Variants in FHIT observed in about 807,000 individuals in gnomAD.
The protein encoded by FHIT is bis(5'-adenosyl)-triphosphatase.
A neutral mutation model predicts 17.9 loss-of-function variants in FHIT; 19 were observed. The observed-to-expected ratio is 1.06, with a 90% CI of 0.74 to 1.56. FHIT has a LOEUF of 1.56. FHIT is among the 40% of genes most tolerant of loss of function. FHIT has a pLI of 0.00. For synonymous variants in FHIT, 81 were observed against 69.7 expected, an observed-to-expected ratio of 1.16 and a Z score of -0.81; for missense variants, 248 against 189.2, an observed-to-expected ratio of 1.31 and a Z score of -1.82.
chr3:59,864,331 A>G (rs1354118260), intron 8 of FHIT, among the ~76,000 whole-genome samples: 1 of 152,098 alleles, frequency 6.6e-6, no homozygotes, highest in African/African-American at 2.4e-5. Flanking sequence ...TGGGTTTATC[A>G]GGGGCTTCTG....
chr3:60,759,271 G>A (rs1457273330), intron 4 of FHIT, among the ~76,000 whole-genome samples: 1 of 152,160 alleles, frequency 6.6e-6, no homozygotes, highest in Non-Finnish European at 1.5e-5. Flanking sequence ...AGGTGGCAAG[G>A]ATAGAAATAG....
chr3:61,115,595 T>C (rs2036277950), intron 2 of FHIT, among the ~76,000 whole-genome samples: 1 of 152,160 alleles, frequency 6.6e-6, no homozygotes, highest in Non-Finnish European at 1.5e-5. Context: ...AGGGAAGTCC[T>C]GAGGGTGTGG....
At chr3:60,678,570 A>T (rs1250468814) in intron 4 of FHIT, among the ~76,000 whole-genome samples, 1 of 152,190 alleles carries the variant, frequency 6.6e-6, no homozygotes, top group Non-Finnish European at 1.5e-5. Flanking sequence ...CCAAAATGTC[A>T]TCAAAATCTA....
intron 2 of FHIT, among the ~76,000 whole-genome samples, chr3:61,113,760 T>C (rs765358044): frequency 4.6e-5 from 7 of 152,134 alleles, no homozygotes; most frequent in Non-Finnish European, 8.8e-5. Flanking sequence ...ACACATGATA[T>C]ACAGCGGATG....
At chr3:60,718,599 T>G (rs2107957907) in intron 4 of FHIT, among the ~76,000 whole-genome samples, 1 of 152,294 alleles carries the variant, frequency 6.6e-6, no homozygotes. Context: ...TGCCAGTCAC[T>G]CATGAAAAGA....
At chr3:60,289,984 T>G (rs1019068225) in intron 5 of FHIT, among the ~76,000 whole-genome samples, 1 of 152,196 alleles carries the variant, frequency 6.6e-6, no homozygotes, top group Admixed American at 6.5e-5. Flanking sequence ...ATAGTTCATG[T>G]GTAATCATGT....
chr3:60,534,395 T>C (rs2035902177), intron 5 of FHIT, among the ~76,000 whole-genome samples: 1 of 120,880 alleles, frequency 8.3e-6, no homozygotes, highest in Non-Finnish European at 1.6e-5. Flanking sequence ...ATTGCGCCAC[T>C]GCAGTCCGCA....
At chr3:60,989,259 C>T (rs1171911337) in intron 3 of FHIT, among the ~76,000 whole-genome samples, 2 of 152,050 alleles carry the variant, frequency 1.3e-5, no homozygotes, top group Non-Finnish European at 2.9e-5. Context: ...AAGTGATTCT[C>T]CTGTCGCAGC....
intron 4 of FHIT, among the ~76,000 whole-genome samples, chr3:60,777,421 G>C (rs1700245242): frequency 6.6e-6 from 1 of 152,140 alleles, no homozygotes; most frequent in Non-Finnish European, 1.5e-5. Flanking sequence ...TGAAGACCTG[G>C]GATCAATAGA....
chr3:60,106,472 A>T (rs958917924), intron 5 of FHIT, among the ~76,000 whole-genome samples: 7 of 152,194 alleles, frequency 4.6e-5, no homozygotes, highest in African/African-American at 1.7e-4. Context: ...TAAGATGGAA[A>T]AGGCATTAAA....
At chr3:60,890,075 T>C (rs559268267) in intron 3 of FHIT, among the ~76,000 whole-genome samples, 3 of 152,270 alleles carry the variant, frequency 2.0e-5, no homozygotes, top group Admixed American at 6.5e-5. Flanking sequence ...TTTAATAATG[T>C]ACTCTCCTAT....
intron 8 of FHIT, among the ~76,000 whole-genome samples, chr3:59,867,886 T>C (rs546733525): frequency 6.6e-6 from 1 of 152,042 alleles, no homozygotes; most frequent in South Asian, 2.1e-4. Context: ...TCTAATAACC[T>C]TGTTATAGTT....
chr3:60,615,276 C>T (rs2038918112), intron 4 of FHIT, among the ~76,000 whole-genome samples: 2 of 152,092 alleles, frequency 1.3e-5, no homozygotes, highest in East Asian at 3.9e-4. Context: ...ATATCAGACA[C>T]CAATAATTTG....
At chr3:60,860,455 TATGTAC>T (rs1444510050) in intron 3 of FHIT, among the ~76,000 whole-genome samples, 24 of 122,162 alleles carry the variant, frequency 2.0e-4, no homozygotes, top group African/African-American at 2.5e-4. Flanking sequence ...ATATGATACA[TATGTAC>T]ATATATATGT....
intron 1 of FHIT, among the ~76,000 whole-genome samples, chr3:61,227,440 C>G (rs574240317): frequency 2.6e-5 from 4 of 152,202 alleles, no homozygotes; most frequent in South Asian, 4.2e-4. Flanking sequence ...CTTGACTGTA[C>G]TGGTTAAAAT....
chr3:60,559,769 C>A (rs1300380850), intron 4 of FHIT, among the ~76,000 whole-genome samples: 1 of 152,126 alleles, frequency 6.6e-6, no homozygotes, highest in African/African-American at 2.4e-5. Context: ...CTTACGGGCA[C>A]TTACACCATT....
intron 5 of FHIT, among the ~76,000 whole-genome samples, chr3:60,194,242 T>C (rs1702524002): frequency 1.3e-5 from 2 of 152,174 alleles, no homozygotes; most frequent in African/African-American, 2.4e-5. Flanking sequence ...AGTAGATTTA[T>C]AGGCCAATGG....
intron 3 of FHIT, among the ~76,000 whole-genome samples, chr3:60,824,997 G>C (rs570110360): frequency 1.2e-3 from 179 of 151,924 alleles, no homozygotes; most frequent in African/African-American, 4.0e-3. Context: ...GAAAATAATG[G>C]GATTCTACTT....
chr3:60,155,879 C>T (rs1223252085), intron 5 of FHIT, among the ~76,000 whole-genome samples: 4 of 152,114 alleles, frequency 2.6e-5, no homozygotes, highest in Non-Finnish European at 5.9e-5. Context: ...CTTTAGACTC[C>T]CTCTCTCTCA....
Sources: allele counts gnomAD v4.1 joint callset (sites outside exome capture counted in the v4.1 genomes callset), GRCh38; gene constraint gnomAD v4.1.1; transcripts MANE v1.5; gene names NCBI Gene and HGNC (gene_info 2026-07-23, HGNC 2026-07-21).